The following CCM2 variants were observed in gnomAD, a reference collection of about 807,000 sequenced individuals.
The protein encoded by CCM2 is CCM2 scaffold protein, also known as cerebral cavernous malformations 2 protein.
A neutral mutation model predicts 44.9 loss-of-function variants in CCM2; 25 were observed. The observed-to-expected ratio is 0.56, with a 90% CI of 0.41 to 0.78. The LOEUF is 0.78. CCM2 is among the 30% of genes least tolerant of loss of function. The probability of loss-of-function intolerance (pLI) is 0.00; values close to 1 mark genes in which losing one functional copy is unlikely to be tolerated. For synonymous variants in CCM2, 219 were observed against 241.1 expected (o/e 0.91, Z 0.85); for missense variants, 481 against 580.6 (o/e 0.83, Z 1.76).
chr7:45,040,493 T>C lies in CCM2; in HGVS notation c.204+2067T>C, dbSNP rs576184165. ...GATGACCAATTCAGGAAGTTCAACATCTGACTCCCAAGAAAAAAGAATGAA... is the reference window on the plus strand; with the variant it reads ...GATGACCAATTCAGGAAGTTCAACACCTGACTCCCAAGAAAAAAGAATGAA... On this transcript the variant is annotated intron_variant, in intron 2 of 9. Transcript: ENST00000258781. 2.6e-5 allele frequency among the ~76,000 whole-genome samples: 4 copies of C among 152,222 alleles called. No homozygotes were observed. In the South Asian group the frequency reaches 8.3e-4, roughly 32 times the overall value.
At chr7:45,017,401 A>G (rs992726754) in intron 1 of CCM2, among the ~76,000 whole-genome samples, 1 of 152,228 alleles carries the variant, frequency 6.6e-6, no homozygotes, top group African/African-American at 2.4e-5. Flanking sequence ...TCAGTCTCTT[A>G]TACAGTCACA....
chr7:45,008,550 C>T (rs1041395109), intron 1 of CCM2, among the ~76,000 whole-genome samples: 4 of 151,862 alleles, frequency 2.6e-5, no homozygotes, highest in African/African-American at 9.7e-5. Flanking sequence ...TTAGTAGAGA[C>T]GGGGTTTCTC....
intron 8 of CCM2, 36 bp from the exon 9 acceptor site, chr7:45,074,234 G>T: frequency 6.2e-7 from 1 of 1,612,870 alleles, no homozygotes; most frequent in Non-Finnish European, 8.5e-7. Context: ...CTTGCCTACT[G>T]TGCCCAGCCC....
chr7:45,063,916 A>T lies in CCM2; in HGVS notation c.205-2A>T. On this transcript the variant is annotated splice_acceptor_variant, in intron 2 of 9. Coordinates refer to ENST00000258781, the MANE Select transcript of CCM2 (RefSeq NM_031443.4). LOFTEE classifies it high-confidence loss of function. The stretch of plus-strand genomic sequence containing the variant: ...GGCATTTTTTTCTTCACTTTCTTTC[A>T]GTATTTAGGTCAGTTAACGTCCATA... The T allele has an allele frequency of 6.2e-7, 1 of 1,602,676 alleles. No homozygotes were observed. Among genetic ancestry groups the T allele is most frequent in the Non-Finnish European group, 8.5e-7 (1 of 1,170,048 alleles).
intron 1 of CCM2, among the ~76,000 whole-genome samples, chr7:45,016,260 T>C (rs1264303778): frequency 1.3e-5 from 2 of 152,240 alleles, no homozygotes; most frequent in Non-Finnish European, 2.9e-5. Context: ...CAACAGGTTA[T>C]AGGAGGAGTT....
intron 1 of CCM2, among the ~76,000 whole-genome samples, chr7:45,020,373 T>C (rs1216347019): frequency 1.3e-5 from 2 of 152,196 alleles, no homozygotes; most frequent in African/African-American, 4.8e-5. Context: ...GTTTATTTTT[T>C]CTTGACAGTG....
rs184345917 is a variant in CCM2, at chr7:45,035,790, G to A, written c.31-2463G>A. On this transcript the variant is annotated intron_variant, in intron 1 of 9. Transcript: ENST00000258781. ...CAACTTTATTATAGTCTGTGGTAGT[G>A]ATGAGTAGGAGACAGTCTGATTATA... 3.9e-5 allele frequency among the ~76,000 whole-genome samples: 6 copies of A among 152,122 alleles called. No homozygotes were observed. The East Asian group carries it at 1.2e-3, about 29-fold the overall frequency.
At chr7:45,037,449 C>A (rs1442475602) in intron 1 of CCM2, among the ~76,000 whole-genome samples, 1 of 111,610 alleles carries the variant, frequency 9.0e-6, no homozygotes, top group African/African-American at 3.6e-5. Context: ...GAGACAGTAT[C>A]TTGCTCTGTT....
chr7:45,074,454 G>C (rs1459434487), intron 9 of CCM2, 46 bp downstream of exon 9: 1 of 1,541,548 alleles, frequency 6.5e-7, no homozygotes, highest in Non-Finnish European at 8.9e-7. Flanking sequence ...ACCTGGCTTG[G>C]AGAGGCTGAT....
chr7:45,038,100 C>T (rs1797313615), intron 1 of CCM2, among the ~76,000 whole-genome samples, 153 bp from the exon 2 acceptor site: 1 of 152,190 alleles, frequency 6.6e-6, no homozygotes, highest in Non-Finnish European at 1.5e-5. Context: ...GGCTTGTGTG[C>T]TGTTGGTACC....
chr7:45,051,940 C>T (rs916421407), intron 2 of CCM2, among the ~76,000 whole-genome samples: 1 of 152,174 alleles, frequency 6.6e-6, no homozygotes. Context: ...CTCCTGACCT[C>T]GTGATCCACC....
In CCM2 at chr7:45,068,342, G is replaced by A. The variant is rs1166153814; in HGVS notation, c.473-101G>A. 4 of 1,496,110 alleles carry A rather than the reference G, an allele frequency of 2.7e-6. No homozygotes were observed. In the Admixed American group the frequency reaches 5.0e-5, roughly 19 times the overall value. The allele number at this position is 1,496,110 out of a possible 1,614,324, so 92.7% of individuals were successfully genotyped here. ...TCTGTGGGTGCCTGAGCCAGGTAAA[G>A]GTCCTCTCAGCCTGTTTCCATGGCG... On this transcript the variant is annotated intron_variant, in intron 4 of 9. Coordinates refer to ENST00000258781, the MANE Select transcript of CCM2 (RefSeq NM_031443.4).
chr7:45,059,501 T>C (rs1798427204), intron 2 of CCM2, among the ~76,000 whole-genome samples: 1 of 151,878 alleles, frequency 6.6e-6, no homozygotes, highest in South Asian at 2.1e-4. Flanking sequence ...TCCCAGCACT[T>C]TTGAAGGCCG....
At chr7:45,002,807 G>A (rs1030358281) in intron 1 of CCM2, among the ~76,000 whole-genome samples, 6 of 152,130 alleles carry the variant, frequency 3.9e-5, no homozygotes. Flanking sequence ...CTGGGTGATG[G>A]GGATACAGGA....
chr7:45,068,518 C>T lies in CCM2; in HGVS notation c.548C>T (p.Ser183Leu), dbSNP rs760117074. ...AGAGGCCTCAGTGCAGGCTCCCTGT[C>T]GGAGAGTGCAGTTGGGCCCGTGGAG... ...SSRGLSAGSL[S>L]ESAVGPVEAC... Residue 183 changes from serine to leucine, a missense_variant, in exon 5 of 10, where the codon TCG becomes TTG. Transcript: ENST00000258781. The T allele has an allele frequency of 3.7e-5, 59 of 1,614,040 alleles. No homozygotes were observed. Among genetic ancestry groups the T allele is most frequent in the South Asian group, 2.6e-4 (24 of 91,092 alleles).
chr7:45,025,744 G>A (rs1464932153), intron 1 of CCM2, among the ~76,000 whole-genome samples: 2 of 152,188 alleles, frequency 1.3e-5, no homozygotes, highest in Admixed American at 1.3e-4. Flanking sequence ...ATATTGGTCA[G>A]TCTGGTCTCA....
chr7:45,059,886 A>T (rs956824512), intron 2 of CCM2, among the ~76,000 whole-genome samples: 2 of 152,256 alleles, frequency 1.3e-5, no homozygotes, highest in Non-Finnish European at 2.9e-5. Flanking sequence ...AAGTATTCCC[A>T]GTTCACTCCT....
At chr7:45,013,310 A>AT (rs148379766) in intron 1 of CCM2, among the ~76,000 whole-genome samples, 2,154 of 149,382 alleles carry the variant, frequency 0.014, 58 homozygotes, top group African/African-American at 0.05. Flanking sequence ...CTTACATTAG[A>AT]TTTTTTTTTT....
Position 45,060,118 on chromosome 7 carries a change from A to G in CCM2, c.205-3800A>G, listed in dbSNP as rs188276780. Among the ~76,000 whole-genome samples, 178 of 152,326 alleles carry G rather than the reference A, an allele frequency of 1.2e-3. 1 individual carries two copies. The highest frequency in any genetic ancestry group is 4.2e-3 in the African/African-American group (175 of 41,576). On this transcript the variant is annotated intron_variant, in intron 2 of 9. Coordinates refer to ENST00000258781, the MANE Select transcript of CCM2 (RefSeq NM_031443.4). Reference sequence around the variant, plus strand: ...AAATCATTTTCATTCTCTCTGAAGAAGTTCTTTTAACTTTTCTTGAAATGT... The same window carrying G: ...AAATCATTTTCATTCTCTCTGAAGAGGTTCTTTTAACTTTTCTTGAAATGT...
Sources: allele counts gnomAD v4.1 joint callset (sites outside exome capture counted in the v4.1 genomes callset), GRCh38; gene constraint gnomAD v4.1.1; transcripts MANE v1.5; gene names NCBI Gene and HGNC (gene_info 2026-07-23, HGNC 2026-07-21).